DOCK1: variants seen among roughly 807,000 people sequenced by gnomAD.
DOCK1 encodes dedicator of cytokinesis 1.
A neutral mutation model predicts 262.7 loss-of-function variants in DOCK1; 138 were observed. That is an observed-to-expected ratio of 0.53 (90% confidence interval 0.46 to 0.61). The LOEUF is 0.61. DOCK1 is among the 20% of genes least tolerant of loss of function. The pLI, the probability that DOCK1 is intolerant of heterozygous loss-of-function variation, is 0.00. For missense variants in DOCK1, 1,908 were observed against 2,370.7 expected (o/e 0.80, Z 4.05); for synonymous variants, 866 against 867.4 (o/e 1.00, Z 0.03).
chr10:127,093,552 C>G (rs1367554428), intron 23 of DOCK1, among the ~76,000 whole-genome samples: 1 of 151,910 alleles, frequency 6.6e-6, no homozygotes, highest in Non-Finnish European at 1.5e-5. Context: ...CTGGGTTTCG[C>G]TATGTTGCCT....
chr10:127,293,048 C>T (rs1005217511), intron 29 of DOCK1, among the ~76,000 whole-genome samples: 2 of 152,142 alleles, frequency 1.3e-5, no homozygotes, highest in Non-Finnish European at 2.9e-5. Flanking sequence ...CTCAGCAAGG[C>T]AAAGAGAAAG....
chr10:127,434,895 G>A (rs750489147), intron 48 of DOCK1, among the ~76,000 whole-genome samples: 7 of 152,062 alleles, frequency 4.6e-5, no homozygotes, highest in East Asian at 3.9e-4. Context: ...CTCATGATCC[G>A]CCCGCCTCGG....
At chr10:127,188,212 C>T (rs545714544) in intron 27 of DOCK1, among the ~76,000 whole-genome samples, 1 of 152,294 alleles carries the variant, frequency 6.6e-6, no homozygotes, top group East Asian at 1.9e-4. Context: ...CTGTGCTGTG[C>T]ACAAACAGAT....
At chr10:126,921,199 CAAAA>C (rs34354732) in intron 1 of DOCK1, among the ~76,000 whole-genome samples, 5 of 113,750 alleles carry the variant, frequency 4.4e-5, no homozygotes, top group Admixed American at 8.6e-5. Context: ...GACTCTATCT[CAAAA>C]AAAAAAAAAA....
intron 1 of DOCK1, among the ~76,000 whole-genome samples, chr10:126,937,900 G>T (rs1169740808): frequency 1.3e-5 from 2 of 152,098 alleles, no homozygotes; most frequent in African/African-American, 4.8e-5. Flanking sequence ...TGCACTTGAG[G>T]TCATATCCAA....
intron 51 of DOCK1, among the ~76,000 whole-genome samples, chr10:127,450,885 G>T (rs953313933): frequency 2.0e-5 from 3 of 152,106 alleles, no homozygotes; most frequent in African/African-American, 7.2e-5. Flanking sequence ...CGTGTGGCCT[G>T]CCAAAAAGCT....
At chr10:126,991,525 T>TTTTG (rs754427195) in intron 6 of DOCK1, among the ~76,000 whole-genome samples, 1 of 152,040 alleles carries the variant, frequency 6.6e-6, no homozygotes, top group Non-Finnish European at 1.5e-5. Context: ...AGTGTTTTTT[T>TTTTG]TTTGTTTGTT....
chr10:127,042,491 G>T lies in DOCK1; in HGVS notation c.2011-134G>T. ...TCTTGTGTATCTAGTGGCTGAAAAG[G>T]ATCCCGAATGGCTTTATAGGTAGTG... is the stretch of plus-strand genomic sequence containing the variant. On this transcript the variant is annotated intron_variant, in intron 19 of 51. Transcript: ENST00000623213. 4 of 710,332 alleles carry T rather than the reference G, an allele frequency of 5.6e-6. 1 individual carries two copies. The South Asian group carries it at 8.4e-5, about 15-fold the overall frequency. 44.0% of individuals were successfully genotyped at this position (710,332 alleles called of 1,614,324 possible). A position where few individuals can be genotyped will look rare whatever the true frequency, so the allele number is the denominator to read the frequency against.
chr10:127,123,500 A>G (rs2049745616), intron 25 of DOCK1, among the ~76,000 whole-genome samples: 1 of 152,186 alleles, frequency 6.6e-6, no homozygotes, highest in Non-Finnish European at 1.5e-5. Flanking sequence ...GCTGGGCTAG[A>G]GCATTTGGAG....
chr10:126,952,290 GTGA>G (rs1455719565), intron 1 of DOCK1, among the ~76,000 whole-genome samples: 1 of 151,984 alleles, frequency 6.6e-6, no homozygotes, highest in African/African-American at 2.4e-5. Flanking sequence ...AGTATTGTAG[GTGA>G]TGGTGGTGGT....
chr10:127,054,875 C>T lies in DOCK1; in HGVS notation c.2336+2060C>T, dbSNP rs143653807. Among the ~76,000 whole-genome samples, 24 of 152,300 alleles carry T rather than the reference C, an allele frequency of 1.6e-4. No individual in the cohort carries two copies. In the East Asian group the frequency reaches 4.1e-3, roughly 26 times the overall value. On this transcript the variant is annotated intron_variant, in intron 22 of 51. Coordinates refer to ENST00000623213, the MANE Select transcript of DOCK1 (RefSeq NM_001290223.2). ...TTCATTCAGAGGTTTGTACTTAAAA[C>T]GATCGTGCATTGATAATGGTGTTTC... is the stretch of plus-strand genomic sequence containing the variant.
At chr10:127,179,631 C>G (rs974747190) in intron 27 of DOCK1, among the ~76,000 whole-genome samples, 1 of 152,012 alleles carries the variant, frequency 6.6e-6, no homozygotes, top group Non-Finnish European at 1.5e-5. Flanking sequence ...TTCATTTGCT[C>G]TTTATTGGGG....
chr10:126,961,223 T>C (rs1379919503), intron 1 of DOCK1, among the ~76,000 whole-genome samples: 1 of 152,198 alleles, frequency 6.6e-6, no homozygotes, highest in Non-Finnish European at 1.5e-5. Context: ...GCCACAATCT[T>C]TCTGTTCCTA....
chr10:127,236,488 T>C (rs2059060057), intron 27 of DOCK1, among the ~76,000 whole-genome samples: 5 of 146,478 alleles, frequency 3.4e-5, no homozygotes, highest in African/African-American at 1.3e-4. Context: ...ACATTGATCC[T>C]TCTTGACACG....
rs750248426 is a variant in DOCK1 at position 126,982,015 on chromosome 10, T to C, written c.227+42T>C. 1.9e-6 allele frequency: 3 copies of C among 1,599,500 alleles called. No individual in the cohort carries two copies. In the African/African-American group the frequency reaches 4.0e-5, roughly 21 times the overall value. On this transcript the variant is annotated intron_variant, in intron 4 of 51. Coordinates refer to ENST00000623213, the MANE Select transcript of DOCK1 (RefSeq NM_001290223.2). ...TGTTTAAATGAAGAATTGCAAGTAC[T>C]ATATTTGGCCTTGCTGCTCTTTTGT...
chr10:127,248,390 T>C (rs1177898301), intron 28 of DOCK1, among the ~76,000 whole-genome samples: 6 of 152,192 alleles, frequency 3.9e-5, no homozygotes, highest in African/African-American at 1.4e-4. Context: ...TCTCCTGTGC[T>C]TTGGGATAAT....
intron 1 of DOCK1, among the ~76,000 whole-genome samples, chr10:126,937,479 C>CTAGAAAA (rs2034630348): frequency 6.6e-6 from 1 of 150,404 alleles, no homozygotes; most frequent in Non-Finnish European, 1.5e-5. Flanking sequence ...TGAGTTTCTC[C>CTAGAAAA]ACACTTGTTT....
At chr10:127,146,157 A>C (rs1234841044) in intron 27 of DOCK1, 5 of 421,654 alleles carry the variant, frequency 1.2e-5, no homozygotes, top group Non-Finnish European at 2.3e-5. Flanking sequence ...TAGTCCCCTC[A>C]TGCTGTTTTG....
intron 31 of DOCK1, among the ~76,000 whole-genome samples, chr10:127,351,195 G>A (rs1284746652): frequency 6.6e-6 from 1 of 152,156 alleles, no homozygotes; most frequent in Non-Finnish European, 1.5e-5. Flanking sequence ...GATCTCCCTG[G>A]ACGATAGGAA....
Sources: allele counts gnomAD v4.1 joint callset (sites outside exome capture counted in the v4.1 genomes callset), GRCh38; gene constraint gnomAD v4.1.1; transcripts MANE v1.5; gene names NCBI Gene and HGNC (gene_info 2026-07-23, HGNC 2026-07-21).